MAPK14: variants seen among roughly 807,000 people sequenced by gnomAD.
MAPK14 encodes CSAID-binding protein.
Under a neutral mutation model 49.6 loss-of-function variants are expected in MAPK14, and 16 were observed. The ratio of observed to expected loss-of-function variants is 0.32; its 90% CI spans 0.22 to 0.49. The LOEUF is 0.49. Among genes scored for constraint, MAPK14 ranks in the 20% least tolerant of loss-of-function variants. The probability of loss-of-function intolerance (pLI) is 0.99; values close to 1 mark genes in which losing one functional copy is unlikely to be tolerated. For synonymous variants in MAPK14, 142 were observed against 158.0 expected (o/e 0.90, Z 0.76); for missense variants, 200 against 441.2 (o/e 0.45, Z 4.90).
the MAPK14 span, among the ~76,000 whole-genome samples, chr6:36,117,054 C>T: frequency 2.6e-5 from 4 of 152,228 alleles, no homozygotes; most frequent in African/African-American, 4.8e-5. Context: ...ATAAGGACTC[C>T]CTGGCTGCTG....
At chr6:36,111,832 C>T (rs2127479975), downstream of MAPK14, among the ~76,000 whole-genome samples, 1 of 152,298 alleles carries the variant, frequency 6.6e-6, no homozygotes, top group East Asian at 1.9e-4. Flanking sequence ...GCATAGTCTC[C>T]TTTCCATCCC....
intron 11 of MAPK14, 27 bp from the exon 12 acceptor site, chr6:36,108,353 A>G (rs1562157534): frequency 1.3e-6 from 2 of 1,575,814 alleles, no homozygotes; most frequent in Non-Finnish European, 1.7e-6. Context: ...AAACTCTCAC[A>G]TCTTACTTTT....
At chr6:36,065,479 G>A (rs572188455) in intron 3 of MAPK14, among the ~76,000 whole-genome samples, 15 of 147,580 alleles carry the variant, frequency 1.0e-4, no homozygotes, top group African/African-American at 3.7e-4. Flanking sequence ...TCATCCAGGG[G>A]CCGAGAGAGG....
chr6:36,048,770 G>A (rs1373350626), intron 1 of MAPK14, among the ~76,000 whole-genome samples: 1 of 152,334 alleles, frequency 6.6e-6, no homozygotes, highest in African/African-American at 2.4e-5. Context: ...AACTTGGTAC[G>A]CTTCAGGTGC....
chr6:36,074,623 T>C (rs1185220064), intron 6 of MAPK14, among the ~76,000 whole-genome samples: 4 of 152,068 alleles, frequency 2.6e-5, no homozygotes, highest in African/African-American at 9.7e-5. Flanking sequence ...TCTTTTTTTT[T>C]CCTTTTTTTT....
chr6:36,093,720 CAAAAAAAAAAAAAA>C lies in MAPK14; in HGVS notation c.683-2257_683-2244del, dbSNP rs11343231. 6.0e-5 allele frequency among the ~76,000 whole-genome samples: 5 copies of C among 83,116 alleles called. No individual in the cohort carries two copies. In the Admixed American group the frequency reaches 7.3e-4, roughly 12 times the overall value. 54.5% of individuals were successfully genotyped at this position (83,116 alleles called of 152,430 possible). A position where few individuals can be genotyped will look rare whatever the true frequency, so the allele number is the denominator to read the frequency against. ...GGCGACAGAGCGAGAGACTCCGTCT[CAAAAAAAAAAAAAA>C]AAAAAAAAACAACTGACTCTCATTG... On this transcript the variant is annotated intron_variant, in intron 8 of 11. Coordinates refer to ENST00000229794, the MANE Select transcript of MAPK14 (RefSeq NM_139012.3).
At chr6:36,085,936 A>G (rs1446961481) in intron 8 of MAPK14, among the ~76,000 whole-genome samples, 1 of 152,208 alleles carries the variant, frequency 6.6e-6, no homozygotes, top group Non-Finnish European at 1.5e-5. Flanking sequence ...ACTGCAAAAG[A>G]ACTGAAAATA....
the MAPK14 span, among the ~76,000 whole-genome samples, chr6:36,121,130 G>A: frequency 6.6e-6 from 1 of 152,080 alleles, no homozygotes; most frequent in African/African-American, 2.4e-5. Flanking sequence ...CAAAGACGTG[G>A]TGACAGGGAT....
At chr6:36,062,394 G>A (rs529200361) in intron 3 of MAPK14, among the ~76,000 whole-genome samples, 65 of 152,262 alleles carry the variant, frequency 4.3e-4, no homozygotes, top group African/African-American at 1.5e-3. Flanking sequence ...CATAAATGAG[G>A]TTCAGTGTTA....
chr6:36,098,326 TA>T (rs1477633076), intron 9 of MAPK14, among the ~76,000 whole-genome samples: 1 of 152,206 alleles, frequency 6.6e-6, no homozygotes, highest in Non-Finnish European at 1.5e-5. Flanking sequence ...TTCATTTGGT[TA>T]ATGTCCCAGT....
chr6:36,067,481 T>C (rs1199963951), intron 3 of MAPK14, among the ~76,000 whole-genome samples: 1 of 147,052 alleles, frequency 6.8e-6, no homozygotes, highest in East Asian at 2.0e-4. Context: ...CTTTGTGCTG[T>C]CACTGTTTAT....
intron 1 of MAPK14, among the ~76,000 whole-genome samples, chr6:36,043,747 C>T (rs1763056050): frequency 6.7e-6 from 1 of 149,888 alleles, no homozygotes; most frequent in Non-Finnish European, 1.5e-5. Context: ...GAAGAGGTGT[C>T]ATGTTTTTGC....
chr6:36,100,375 C>A, intron 9 of MAPK14: 1 of 829,180 alleles, frequency 1.2e-6, no homozygotes, highest in Non-Finnish European at 2.1e-6. Context: ...CTTGCATGTG[C>A]CTTGAGGCCT....
At chr6:36,040,085 A>G (rs1318406791) in intron 1 of MAPK14, among the ~76,000 whole-genome samples, 2 of 151,596 alleles carry the variant, frequency 1.3e-5, no homozygotes, top group Non-Finnish European at 2.9e-5. Flanking sequence ...GTAGTTTTGG[A>G]TCTTGAAGCA....
the MAPK14 span, among the ~76,000 whole-genome samples, chr6:36,123,357 A>G: frequency 1.3e-5 from 2 of 152,194 alleles, no homozygotes; most frequent in Non-Finnish European, 2.9e-5. Flanking sequence ...CACAAGGATG[A>G]GGCCTCTAGG....
At chr6:36,054,624 G>A (rs972823609) in intron 2 of MAPK14, among the ~76,000 whole-genome samples, 3 of 152,196 alleles carry the variant, frequency 2.0e-5, no homozygotes, top group African/African-American at 7.2e-5. Flanking sequence ...ATTGGCAAAT[G>A]TTTGAAGCCA....
intron 6 of MAPK14, among the ~76,000 whole-genome samples, chr6:36,074,841 C>T (rs1045135699): frequency 4.0e-5 from 6 of 151,880 alleles, no homozygotes; most frequent in African/African-American, 1.4e-4. Flanking sequence ...GTGTCGATCT[C>T]CTGACCTCGT....
At chr6:36,066,160 A>G (rs543219294) in intron 3 of MAPK14, among the ~76,000 whole-genome samples, 20 of 152,210 alleles carry the variant, frequency 1.3e-4, no homozygotes, top group Non-Finnish European at 1.5e-4. Flanking sequence ...TATTATCTCT[A>G]ATTTTCAGAT....
intron 1 of MAPK14, among the ~76,000 whole-genome samples, chr6:36,037,417 G>A (rs1393418678): frequency 6.6e-6 from 1 of 152,216 alleles, no homozygotes; most frequent in Non-Finnish European, 1.5e-5. Flanking sequence ...TTGGGGGAAA[G>A]AAGTATAGGA....
Sources: gnomAD v4.1 joint callset for allele counts (sites outside exome capture counted in the v4.1 genomes callset) on GRCh38, gnomAD v4.1.1 for gene constraint, MANE v1.5 for transcripts, NCBI Gene and HGNC (gene_info 2026-07-23, HGNC 2026-07-21) for gene names.